CNTNAP2: variants seen among roughly 807,000 people sequenced by gnomAD.
The protein encoded by CNTNAP2 is contactin-associated protein-like 2.
CNTNAP2 carries 98 observed loss-of-function variants against 155.2 expected under a neutral mutation model. The observed-to-expected ratio is 0.63, with a 90% CI of 0.54 to 0.75. CNTNAP2 has a LOEUF of 0.75. Ranked by LOEUF, CNTNAP2 falls within the 30% of genes least tolerant of loss-of-function variation. The pLI is 0.00. For synonymous variants in CNTNAP2, 651 were observed against 631.2 expected (o/e 1.03, Z -0.47); for missense variants, 1,727 against 1,688.1 (o/e 1.02, Z -0.40).
chr7:146,561,884 G>A (rs549065669), intron 1 of CNTNAP2, among the ~76,000 whole-genome samples: 35 of 151,898 alleles, frequency 2.3e-4, no homozygotes, highest in African/African-American at 7.5e-4. Context: ...CAACCTCCCC[G>A]GGCTCAAGTG....
chr7:147,861,999 C>CAAAAAAAAAAAAAAAAAAAAA (rs57139075), intron 13 of CNTNAP2, among the ~76,000 whole-genome samples: 7 of 94,976 alleles, frequency 7.4e-5, no homozygotes, highest in Admixed American at 1.2e-4. Flanking sequence ...CTCCATCTCA[C>CAAAAAAAAAAAAAAAAAAAAA]AAAAAAAAAA....
intron 18 of CNTNAP2, among the ~76,000 whole-genome samples, chr7:148,184,672 T>G (rs112055471): frequency 6.6e-6 from 1 of 152,372 alleles, no homozygotes; most frequent in Non-Finnish European, 1.5e-5. Flanking sequence ...TAATTTTGTT[T>G]AAAGAAAGGG....
chr7:146,688,632 G>A (rs958055852), intron 1 of CNTNAP2, among the ~76,000 whole-genome samples: 2 of 152,044 alleles, frequency 1.3e-5, no homozygotes, highest in Non-Finnish European at 2.9e-5. Flanking sequence ...TCACAATGGT[G>A]GAATGTCATC....
chr7:146,963,151 G>A (rs1043785755), intron 3 of CNTNAP2: 4 of 152,138 alleles, frequency 2.6e-5, no homozygotes, highest in Middle Eastern at 3.2e-3. Context: ...TGGCTACCGC[G>A]AAATGTAAGT....
At chr7:147,798,554 G>A (rs1311547865) in intron 13 of CNTNAP2, among the ~76,000 whole-genome samples, 1 of 152,154 alleles carries the variant, frequency 6.6e-6, no homozygotes, top group Non-Finnish European at 1.5e-5. Flanking sequence ...AGCTACAGAT[G>A]TAACATCTAG....
At chr7:148,115,605 G>A (rs908670436) in intron 15 of CNTNAP2, among the ~76,000 whole-genome samples, 1 of 152,070 alleles carries the variant, frequency 6.6e-6, no homozygotes, top group African/African-American at 2.4e-5. Context: ...GAGCGAGAGC[G>A]TAGATTTAGG....
chr7:146,312,813 G>T (rs979058538), intron 1 of CNTNAP2, among the ~76,000 whole-genome samples: 2 of 152,026 alleles, frequency 1.3e-5, no homozygotes, highest in African/African-American at 4.8e-5. Context: ...TACCGTATTT[G>T]TCTTTCTGTG....
At chr7:147,742,175 G>A (rs1796966687) in intron 13 of CNTNAP2, among the ~76,000 whole-genome samples, 2 of 152,112 alleles carry the variant, frequency 1.3e-5, no homozygotes, top group Admixed American at 1.3e-4. Context: ...CAACACATGG[G>A]AATTCAAGGT....
At chr7:146,342,056 C>T (rs1447924883) in intron 1 of CNTNAP2, among the ~76,000 whole-genome samples, 1 of 152,046 alleles carries the variant, frequency 6.6e-6, no homozygotes, top group Non-Finnish European at 1.5e-5. Context: ...CTCTAAATAA[C>T]TCTAAAAATA....
intron 1 of CNTNAP2, among the ~76,000 whole-genome samples, chr7:146,389,643 A>G (rs923036675): frequency 5.8e-5 from 8 of 138,896 alleles, no homozygotes; most frequent in African/African-American, 2.1e-4. Flanking sequence ...CATTTTTATC[A>G]TCCCTGCATT....
chr7:147,864,298 G>C (rs181503909), intron 13 of CNTNAP2, among the ~76,000 whole-genome samples: 17 of 152,204 alleles, frequency 1.1e-4, no homozygotes, highest in Admixed American at 3.9e-4. Flanking sequence ...TATCTGTTTT[G>C]GCACCAATAC....
At chr7:148,389,539 C>T (rs1280241298) in intron 22 of CNTNAP2, 1 of 152,204 alleles carries the variant, frequency 6.6e-6, no homozygotes, top group East Asian at 1.9e-4. Context: ...CAAACTAATA[C>T]ACTAATAAAC....
rs1202522762 is a variant in CNTNAP2, at chr7:146,721,825, CTA to C, written c.98-52439_98-52438del. ...ACTATATATAGTCTATATATGTAGA[CTA>C]TATATAGTCTATATATATATTCTAC... On this transcript the variant is annotated intron_variant, in intron 1 of 23. Coordinates refer to ENST00000361727, the MANE Select transcript of CNTNAP2 (RefSeq NM_014141.6). Among the ~76,000 whole-genome samples, 23 of 101,250 alleles carry C rather than the reference CTA, an allele frequency of 2.3e-4. 1 individual carries two copies. Among genetic ancestry groups the C allele is most frequent in the Non-Finnish European group, 3.4e-4 (19 of 56,394 alleles). 66.4% of individuals were successfully genotyped at this position (101,250 alleles called of 152,430 possible).
intron 2 of CNTNAP2, among the ~76,000 whole-genome samples, chr7:146,784,142 A>G (rs1053788183): frequency 6.6e-6 from 1 of 152,174 alleles, no homozygotes. Flanking sequence ...GACTTTTGAG[A>G]TGAAGAATTT....
intron 1 of CNTNAP2, among the ~76,000 whole-genome samples, chr7:146,367,440 T>G (rs1304059676): frequency 6.6e-6 from 1 of 152,118 alleles, no homozygotes; most frequent in Non-Finnish European, 1.5e-5. Flanking sequence ...TATAAGAGTT[T>G]AAAAAGCTGT....
rs1398460911 is a variant in CNTNAP2, at chr7:147,037,235, C to G, written c.403-6672C>G. ...AATAGACCAGATATCAAATGTGTAT[C>G]TAAAAAGTGATATGATAAAAAGCAT... is the stretch of plus-strand genomic sequence containing the variant. On this transcript the variant is annotated intron_variant, in intron 3 of 23. Transcript: ENST00000361727. 4.0e-5 allele frequency among the ~76,000 whole-genome samples: 6 copies of G among 151,700 alleles called. No individual in the cohort carries two copies. The East Asian group carries it at 1.2e-3, about 29-fold the overall frequency.
chr7:147,293,758 C>T (rs892652994), intron 8 of CNTNAP2, among the ~76,000 whole-genome samples: 2 of 152,114 alleles, frequency 1.3e-5, no homozygotes, highest in Non-Finnish European at 2.9e-5. Context: ...GCAACTTCCT[C>T]AAGAGTCTTA....
chr7:147,838,622 T>C (rs2116647618), intron 13 of CNTNAP2, among the ~76,000 whole-genome samples: 1 of 152,308 alleles, frequency 6.6e-6, no homozygotes, highest in East Asian at 1.9e-4. Flanking sequence ...TGCTAAAGCA[T>C]AAAAAGAATC....
intron 1 of CNTNAP2, among the ~76,000 whole-genome samples, chr7:146,514,883 T>A (rs961313482): frequency 3.4e-4 from 51 of 152,132 alleles, no homozygotes; most frequent in Admixed American, 2.7e-3. Context: ...TATAGTTTAC[T>A]TGTTGAATTC....
Sources: allele counts gnomAD v4.1 joint callset (sites outside exome capture counted in the v4.1 genomes callset), GRCh38; gene constraint gnomAD v4.1.1; transcripts MANE v1.5; gene names NCBI Gene and HGNC (gene_info 2026-07-23, HGNC 2026-07-21).